Variants in PIK3C2B observed in about 807,000 individuals in gnomAD.
The protein encoded by PIK3C2B is phosphatidylinositol-4-phosphate 3-kinase catalytic subunit type 2 beta.
PIK3C2B carries 83 observed loss-of-function variants against 184.3 expected under a neutral mutation model. The ratio of observed to expected loss-of-function variants is 0.45; its 90% confidence interval spans 0.38 to 0.54. The LOEUF (loss-of-function observed/expected upper bound fraction) is 0.54. Among genes scored for constraint, PIK3C2B ranks in the 20% least tolerant of loss-of-function variants. The pLI is 0.00. For synonymous variants in PIK3C2B, 779 were observed against 837.6 expected, an observed-to-expected ratio of 0.93 and a Z score of 1.21; for missense variants, 1,736 against 2,113.5, an observed-to-expected ratio of 0.82 and a Z score of 3.50.
rs1674605986 is a variant in PIK3C2B at position 204,423,746 on chromosome 1, T to A, written c.*1106A>T. 1 of 152,604 alleles carries A rather than the reference T, an allele frequency of 6.6e-6. No individual in the cohort carries two copies. The highest frequency in any genetic ancestry group is 2.4e-5 in the African/African-American group (1 of 41,466). The allele number at this position is 152,604 out of a possible 1,614,324, so 9.5% of individuals were successfully genotyped here. On this transcript the variant is annotated 3_prime_UTR_variant, in exon 33 of 33. Transcript: ENST00000684373. ...TAAAAAGGGTGACAGAAATGGAGTT[T>A]GGGAGGGAAGCAGCACAGCAGAAAG...
At chr1:204,441,416 C>T in intron 21 of PIK3C2B, 55 bp downstream of exon 21, 4 of 1,151,162 alleles carry the variant, frequency 3.5e-6, no homozygotes, top group Non-Finnish European at 5.2e-6. Flanking sequence ...CCACTCTAGG[C>T]TGCCTCCTTC....
chr1:204,428,388 G>A (rs1295172813), intron 29 of PIK3C2B, among the ~76,000 whole-genome samples, 168 bp from the exon 30 acceptor site: 6 of 152,198 alleles, frequency 3.9e-5, no homozygotes, highest in African/African-American at 1.4e-4. Flanking sequence ...AGGAATTTGG[G>A]GGATGATAGG....
chr1:204,429,632 C>T (rs1674932310), intron 29 of PIK3C2B, among the ~76,000 whole-genome samples: 1 of 152,162 alleles, frequency 6.6e-6, no homozygotes, highest in African/African-American at 2.4e-5. Flanking sequence ...AAACTTTTTC[C>T]TCAAAGAGGA....
In PIK3C2B at chr1:204,433,881, C is replaced by G. The variant is rs1334116312; in HGVS notation, c.3755G>C (p.Ser1252Thr). The G allele has an allele frequency of 6.2e-7, 1 of 1,614,050 alleles. No homozygotes were observed. The highest frequency in any genetic ancestry group is 1.7e-5 in the Admixed American group (1 of 60,024). The change falls in exon 25 of 33, where the codon AGC (serine) becomes ACC (threonine). Residue 1252 changes from serine to threonine, a missense_variant. Physicochemically the swap from Ser to Thr is moderately conservative, Grantham distance 58 (BLOSUM62 1). Transcript: ENST00000684373. This position sits in a 1 kb window ranked among gnomAD's most constrained non-coding sequence, Gnocchi z 5.0. ...AAGGTCAACAAAATCATGGAAGCGG[C>G]TGGAAGGCTTGTCACCCCCGTTGAT... ...YVINGGDKPS[S>T]RFHDFVDLCC... is the part of the protein sequence containing the mutation.
Position 204,440,182 on chromosome 1 carries a change from C to T in PIK3C2B, c.3379+10G>A. 6.2e-7 allele frequency: 1 copy of T among 1,610,620 alleles called. No individual in the cohort carries two copies. Among genetic ancestry groups the T allele is most frequent in the Non-Finnish European group, 8.5e-7 (1 of 1,178,234 alleles). ...CCCCTCCTCCACCCTCACCCCTACT[C>T]CCAACTGACCTCTGCCCCGGCCGGT... is the stretch of plus-strand genomic sequence containing the variant. On this transcript the variant is annotated intron_variant, in intron 22 of 32. Transcript: ENST00000684373.
chr1:204,481,551 C>T (rs1214148588), intron 1 of PIK3C2B, among the ~76,000 whole-genome samples: 2 of 152,112 alleles, frequency 1.3e-5, no homozygotes, highest in African/African-American at 2.4e-5. Flanking sequence ...GCCACCACGC[C>T]GAGGTCACAT....
In PIK3C2B at chr1:204,469,057, A is replaced by C. The variant is rs1178866585; in HGVS notation, c.746T>G (p.Leu249Trp). ...NLKSTYDAEM[L>W]RDATRGWKEG... ...CTTCCAGCCCCTGGTGGCATCCCGC[A>C]ACATCTCCGCATCATAGGTCGATTT... is the stretch of plus-strand genomic sequence containing the variant. Residue 249 changes from leucine (L) to tryptophan (W), a missense_variant, in exon 2 of 33, where the codon TTG (leucine) becomes TGG (tryptophan). Coordinates refer to ENST00000684373, the MANE Select transcript of PIK3C2B (RefSeq NM_001377334.1). 2 of 1,614,182 alleles carry C rather than the reference A, an allele frequency of 1.2e-6. No homozygotes were observed. The highest frequency in any genetic ancestry group is 8.5e-7 in the Non-Finnish European group (1 of 1,180,032).
chr1:204,466,798 C>A (rs1342726929), intron 2 of PIK3C2B: 1 of 525,156 alleles, frequency 1.9e-6, no homozygotes, highest in Admixed American at 2.0e-5. Flanking sequence ...GCCCTGGTGG[C>A]ATCACCCGAT....
intron 1 of PIK3C2B, among the ~76,000 whole-genome samples, chr1:204,491,352 G>C (rs1657989145): frequency 6.7e-6 from 1 of 149,998 alleles, no homozygotes; most frequent in Admixed American, 6.7e-5. Context: ...TGACACCACT[G>C]CACTCCAGTC....
At chr1:204,479,875 C>G (rs1656994274) in intron 1 of PIK3C2B, among the ~76,000 whole-genome samples, 2 of 152,232 alleles carry the variant, frequency 1.3e-5, no homozygotes, top group Non-Finnish European at 2.9e-5. Flanking sequence ...TAAAGCAAGT[C>G]CCAGCTGTTC....
intron 10 of PIK3C2B, chr1:204,456,260 A>G (rs1654837684): frequency 6.9e-6 from 3 of 433,714 alleles, no homozygotes; most frequent in Non-Finnish European, 1.2e-5. Flanking sequence ...TGACAGTTAT[A>G]CAATGTTAAA....
Position 204,424,554 on chromosome 1 carries a change from A to C in PIK3C2B, c.*298T>G. The C allele has an allele frequency of 2.2e-6, 1 of 454,884 alleles. No homozygotes were observed. Among genetic ancestry groups the C allele is most frequent in the Non-Finnish European group, 4.2e-6 (1 of 235,426 alleles). The allele number at this position is 454,884 out of a possible 1,614,324, so 28.2% of individuals were successfully genotyped here. Reference sequence around the variant, plus strand: ...TGCTACTTCATACAGCCCACCCCACACACTCCCCAAACCAAGCATTGCTCC... The same window carrying C: ...TGCTACTTCATACAGCCCACCCCACCCACTCCCCAAACCAAGCATTGCTCC... On this transcript the variant is annotated 3_prime_UTR_variant, in exon 33 of 33. Coordinates refer to ENST00000684373, the MANE Select transcript of PIK3C2B (RefSeq NM_001377334.1).
chr1:204,429,948 C>CA lies in PIK3C2B; in HGVS notation c.4370dup (p.Leu1457PhefsTer7). Reference sequence around the variant, plus strand: ...CGGCCACCTCAGGGGGTGCGTGGATCAAGTGCCAGATGTAACCGTTTAGCT... The same window carrying CA: ...CGGCCACCTCAGGGGGTGCGTGGATCAAAGTGCCAGATGTAACCGTTTAGCT... On this transcript the variant is annotated frameshift_variant, in exon 29 of 33. Transcript: ENST00000684373. LOFTEE classifies it high-confidence loss of function. The CA allele has an allele frequency of 6.2e-7, 1 of 1,612,686 alleles. No individual in the cohort carries two copies. The highest frequency in any genetic ancestry group is 8.5e-7 in the Non-Finnish European group (1 of 1,179,590).
chr1:204,444,226 T>C (rs1653650941), intron 17 of PIK3C2B, 64 bp from the exon 18 acceptor site: 2 of 1,427,986 alleles, frequency 1.4e-6, no homozygotes, highest in Admixed American at 1.7e-5. Context: ...CCTACACTTA[T>C]TATTATTGCA....
intron 12 of PIK3C2B, among the ~76,000 whole-genome samples, chr1:204,450,376 T>G (rs1415776928): frequency 6.6e-6 from 1 of 152,142 alleles, no homozygotes; most frequent in Non-Finnish European, 1.5e-5. Context: ...TTTCCTTGTT[T>G]TAGGATTTCC....
intron 1 of PIK3C2B, among the ~76,000 whole-genome samples, chr1:204,485,216 C>CTCT (rs1657490140): frequency 6.6e-6 from 1 of 151,860 alleles, no homozygotes; most frequent in African/African-American, 2.4e-5. Context: ...ACCCAGCTAT[C>CTCT]TCTCCCGTTC....
intron 8 of PIK3C2B, among the ~76,000 whole-genome samples, chr1:204,459,677 T>G (rs1426684212): frequency 2.0e-5 from 3 of 152,142 alleles, no homozygotes; most frequent in African/African-American, 7.2e-5. Context: ...AGGAGCAGAA[T>G]CCCTGACTAC....
chr1:204,480,062 A>T (rs1657009767), intron 1 of PIK3C2B, among the ~76,000 whole-genome samples: 1 of 152,216 alleles, frequency 6.6e-6, no homozygotes, highest in Non-Finnish European at 1.5e-5. Flanking sequence ...AGGAGCAAGG[A>T]GGCAGTGTGG....
At chr1:204,449,151 G>T (rs1267481732) in intron 14 of PIK3C2B, 34 bp downstream of exon 14, 1 of 1,415,982 alleles carries the variant, frequency 7.1e-7, no homozygotes, top group Non-Finnish European at 9.9e-7. Flanking sequence ...GAATGGTCTT[G>T]CTGGTGACTG....
Sources: allele counts gnomAD v4.1 joint callset (sites outside exome capture counted in the v4.1 genomes callset), GRCh38; gene constraint gnomAD v4.1.1; non-coding constraint Gnocchi (gnomAD v3.1); transcripts MANE v1.5; gene names NCBI Gene and HGNC (gene_info 2026-07-23, HGNC 2026-07-21).